The following RELCH variants were observed in gnomAD, a reference collection of about 807,000 sequenced individuals.
The protein encoded by RELCH is RAB11 binding and LisH domain, coiled-coil and HEAT repeat containing.
In RELCH, 41 loss-of-function variants were observed where a neutral mutation model predicts 150.3. That is an observed-to-expected ratio of 0.27 (90% confidence interval 0.21 to 0.35). RELCH has a LOEUF of 0.35. RELCH is among the 10% of genes least tolerant of loss of function. The pLI is 1.00. For missense variants in RELCH, 1,092 were observed against 1,467.8 expected (o/e 0.74, Z 4.18); for synonymous variants, 478 against 531.8 (o/e 0.90, Z 1.39).
At chr18:62,206,694 T>G (rs1039987697) in intron 1 of RELCH, among the ~76,000 whole-genome samples, 1 of 152,206 alleles carries the variant, frequency 6.6e-6, no homozygotes, top group African/African-American at 2.4e-5. Flanking sequence ...AAAAAAAGTT[T>G]TGTGTGTGTA....
intron 15 of RELCH, among the ~76,000 whole-genome samples, chr18:62,259,447 A>G (rs184409216): frequency 6.6e-6 from 1 of 152,024 alleles, no homozygotes; most frequent in Admixed American, 6.6e-5. Context: ...GATCTCTGCC[A>G]TGAAAACTAT....
At position 62,230,715 on chromosome 18, in the gene RELCH, G is replaced by A. The variant is rs187655860; in HGVS notation, c.1449-479G>A. 2.6e-5 allele frequency among the ~76,000 whole-genome samples: 4 copies of A among 152,062 alleles called. No individual in the cohort carries two copies. In the East Asian group the frequency reaches 7.7e-4, roughly 29 times the overall value. ...GCCTCCGTTTATCTTTAGACTTATT[G>A]TTTGTGGTTTTCTAATATTCAGATT... On this transcript the variant is annotated intron_variant, in intron 8 of 28. Transcript: ENST00000644646.
Position 62,298,809 on chromosome 18 carries a change from TA to T in RELCH, c.3483del (p.Glu1162AsnfsTer24). On this transcript the variant is annotated frameshift_variant, in exon 28 of 29. Transcript: ENST00000644646. LOFTEE classifies it high-confidence loss of function. ...AATCAGGTTATTTTAAGTTCCATGATAAAAGAATGTGAACAAAAAGTTGAAA... is the reference window on the plus strand; with the variant it reads ...AATCAGGTTATTTTAAGTTCCATGATAAAGAATGTGAACAAAAAGTTGAAA... The part of the protein sequence containing the change: ...PEHEVILSSM[I>X]KECEQKVENK... 6.3e-7 allele frequency: 1 copy of T among 1,576,300 alleles called. No homozygotes were observed. Among genetic ancestry groups the T allele is most frequent in the African/African-American group, 1.3e-5 (1 of 74,078 alleles).
At chr18:62,200,953 T>G (rs1203313736) in intron 1 of RELCH, among the ~76,000 whole-genome samples, 3 of 148,988 alleles carry the variant, frequency 2.0e-5, no homozygotes, top group Non-Finnish European at 4.4e-5. Context: ...TGAATAACTG[T>G]TTTTTCTTTG....
intron 1 of RELCH, among the ~76,000 whole-genome samples, chr18:62,195,723 G>A (rs928031322): frequency 2.7e-5 from 4 of 149,810 alleles, no homozygotes; most frequent in Non-Finnish European, 5.9e-5. Context: ...TTTTCGAGAC[G>A]GAGTCTCCCT....
intron 13 of RELCH, among the ~76,000 whole-genome samples, chr18:62,256,119 AG>A (rs1218901831): frequency 6.6e-6 from 1 of 152,138 alleles, no homozygotes; most frequent in Non-Finnish European, 1.5e-5. Context: ...AGCCATTTGC[AG>A]GAAAAGCACT....
intron 1 of RELCH, among the ~76,000 whole-genome samples, chr18:62,199,357 A>G (rs1012746104): frequency 6.6e-6 from 1 of 152,154 alleles, no homozygotes; most frequent in Non-Finnish European, 1.5e-5. Flanking sequence ...GTTTGTGTGT[A>G]GATGTTTTAG....
chr18:62,281,108 A>G (rs537734577), intron 24 of RELCH, among the ~76,000 whole-genome samples: 1 of 152,282 alleles, frequency 6.6e-6, no homozygotes, highest in South Asian at 2.1e-4. Context: ...ACAAAACAGA[A>G]CAACAACAAA....
At chr18:62,244,062 A>C (rs1389454592) in intron 10 of RELCH, among the ~76,000 whole-genome samples, 2 of 152,156 alleles carry the variant, frequency 1.3e-5, no homozygotes, top group East Asian at 1.9e-4. Flanking sequence ...TAAGAATTTC[A>C]TCTTAATTAA....
chr18:62,299,766 A>G (rs1600293963), intron 28 of RELCH, among the ~76,000 whole-genome samples: 2 of 152,188 alleles, frequency 1.3e-5, no homozygotes, highest in African/African-American at 2.4e-5. Context: ...ATGAATTTCT[A>G]TACATGTTAT....
chr18:62,195,723 G>T lies in RELCH; in HGVS notation c.526+7692G>T, dbSNP rs928031322. Among the ~76,000 whole-genome samples the T allele has an allele frequency of 3.3e-5, 5 of 149,924 alleles. No homozygotes were observed. The South Asian group carries it at 6.3e-4, about 19-fold the overall frequency. ...TTTTTTTTTCTTTTTTTTTCGAGAC[G>T]GAGTCTCCCTCTGCCAGGCTGGAGT... On this transcript the variant is annotated intron_variant, in intron 1 of 28. Coordinates refer to ENST00000644646, the MANE Select transcript of RELCH (RefSeq NM_001346231.2).
intron 5 of RELCH, among the ~76,000 whole-genome samples, chr18:62,223,742 G>T (rs1346682918): frequency 6.6e-6 from 1 of 151,996 alleles, no homozygotes. Context: ...ACCAAATGAG[G>T]TTTATCTCAG....
At chr18:62,224,915 T>C (rs2041115224) in intron 5 of RELCH, among the ~76,000 whole-genome samples, 1 of 152,024 alleles carries the variant, frequency 6.6e-6, no homozygotes, top group Non-Finnish European at 1.5e-5. Context: ...AAAACAACTT[T>C]AATAAAGAAG....
At chr18:62,207,380 C>T (rs1209368431) in intron 1 of RELCH, among the ~76,000 whole-genome samples, 1 of 152,194 alleles carries the variant, frequency 6.6e-6, no homozygotes, top group Non-Finnish European at 1.5e-5. Flanking sequence ...ATATATACCA[C>T]ATTTTATTTC....
intron 5 of RELCH, among the ~76,000 whole-genome samples, chr18:62,224,240 T>C (rs1011651541): frequency 6.6e-6 from 1 of 152,170 alleles, no homozygotes; most frequent in Non-Finnish European, 1.5e-5. Flanking sequence ...GTCCTTGTGA[T>C]AGTTTGCTGA....
intron 11 of RELCH, 83 bp downstream of exon 11, chr18:62,244,959 A>G: frequency 1.1e-6 from 1 of 879,906 alleles, no homozygotes; most frequent in Non-Finnish European, 1.9e-6. Flanking sequence ...TAGCATTTGA[A>G]TCTAAAATGC....
chr18:62,247,091 T>A (rs1293031832), intron 11 of RELCH: 1 of 152,208 alleles, frequency 6.6e-6, no homozygotes, highest in Non-Finnish European at 1.5e-5. Flanking sequence ...CTTTAATATA[T>A]CTGAGATATC....
Position 62,244,667 on chromosome 18 carries a change from T to C in RELCH, c.1621-97T>C, listed in dbSNP as rs2042313598. 7.7e-6 allele frequency: 6 copies of C among 783,188 alleles called. No homozygotes were observed. In the South Asian group the frequency reaches 8.3e-5, roughly 11 times the overall value. 48.5% of individuals were successfully genotyped at this position (783,188 alleles called of 1,614,324 possible). Reference sequence around the variant, plus strand: ...TTACCCTTTTGTTTACTGAGGTTTATTTCACTTTAAATGTCCATTTAAGAA... The same window carrying C: ...TTACCCTTTTGTTTACTGAGGTTTACTTCACTTTAAATGTCCATTTAAGAA... On this transcript the variant is annotated intron_variant, in intron 10 of 28. Coordinates refer to ENST00000644646, the MANE Select transcript of RELCH (RefSeq NM_001346231.2).
At chr18:62,230,655 T>C (rs1323505714) in intron 8 of RELCH, among the ~76,000 whole-genome samples, 2 of 152,108 alleles carry the variant, frequency 1.3e-5, no homozygotes, top group African/African-American at 2.4e-5. Context: ...ACAGAAACTT[T>C]CTTTAAAATG....
Sources: allele counts gnomAD v4.1 joint callset (sites outside exome capture counted in the v4.1 genomes callset), GRCh38; gene constraint gnomAD v4.1.1; transcripts MANE v1.5; gene names NCBI Gene and HGNC (gene_info 2026-07-23, HGNC 2026-07-21).